The following PPP1R13B variants were observed in gnomAD, a reference collection of about 807,000 sequenced individuals.
PPP1R13B encodes apoptosis-stimulating of p53 protein 1.
PPP1R13B carries 44 observed loss-of-function variants against 119.8 expected under a neutral mutation model. The observed-to-expected ratio is 0.37, with a 90% CI of 0.29 to 0.47. The LOEUF is 0.47. PPP1R13B is among the 20% of genes least tolerant of loss of function. The pLI is 0.99. For synonymous variants in PPP1R13B, 542 were observed against 561.5 expected (o/e 0.97, Z 0.49); for missense variants, 1,227 against 1,413.5 (o/e 0.87, Z 2.12).
At chr14:103,757,526 A>G (rs2084706485) in intron 5 of PPP1R13B, 124 bp downstream of exon 5, 7 of 782,540 alleles carry the variant, frequency 8.9e-6, no homozygotes, top group Non-Finnish European at 1.2e-5. Flanking sequence ...GACTGCATTT[A>G]GCACTCCTAT....
chr14:103,766,611 TTTTG>T (rs1390664668), intron 4 of PPP1R13B, among the ~76,000 whole-genome samples: 3 of 152,168 alleles, frequency 2.0e-5, no homozygotes, highest in Non-Finnish European at 4.4e-5. Flanking sequence ...AATACTGCTT[TTTTG>T]TTTGTTTTTT....
At chr14:103,793,488 G>C (rs924558609) in intron 2 of PPP1R13B, among the ~76,000 whole-genome samples, 2 of 152,142 alleles carry the variant, frequency 1.3e-5, no homozygotes, top group Admixed American at 6.5e-5. Context: ...TGTCATGATT[G>C]TAAGTTTCCT....
At position 103,746,437 on chromosome 14, in the gene PPP1R13B, C is replaced by T; in HGVS notation, c.1086G>A (p.Gly362=). ...TGAGAGACTGGGGCTTTATAGGGTCCCCCAGCACAGGAAAGCTTCCGGCAC... is the reference window on the plus strand; with the variant it reads ...TGAGAGACTGGGGCTTTATAGGGTCTCCCAGCACAGGAAAGCTTCCGGCAC... ...VPSAGSFPVL[G]DPIKPQSLSI... The change falls in exon 9 of 17, where the codon GGG becomes GGA. Residue 362 remains glycine, a synonymous_variant. Coordinates refer to ENST00000202556, the MANE Select transcript of PPP1R13B (RefSeq NM_015316.3). The T allele has an allele frequency of 1.2e-6, 2 of 1,614,074 alleles. No homozygotes were observed. Among genetic ancestry groups the T allele is most frequent in the Non-Finnish European group, 8.5e-7 (1 of 1,179,984 alleles).
chr14:103,756,188 G>A (rs1266368305), intron 5 of PPP1R13B, among the ~76,000 whole-genome samples: 1 of 151,962 alleles, frequency 6.6e-6, no homozygotes, highest in African/African-American at 2.4e-5. Flanking sequence ...TCCACCGCCG[G>A]CTTCAAGAGA....
chr14:103,816,897 C>T (rs1489690852), intron 1 of PPP1R13B, among the ~76,000 whole-genome samples: 1 of 152,082 alleles, frequency 6.6e-6, no homozygotes, highest in African/African-American at 2.4e-5. Context: ...TACTATTCAT[C>T]TGATGAATAC....
In PPP1R13B at chr14:103,738,894, T is replaced by C. The variant is rs1433156005; in HGVS notation, c.2722A>G (p.Ile908Val). 3 of 1,613,714 alleles carry C rather than the reference T, an allele frequency of 1.9e-6. No homozygotes were observed. Among genetic ancestry groups the C allele is most frequent in the Non-Finnish European group, 2.5e-6 (3 of 1,179,838 alleles). ...EGEFDLVQRI[I>V]YEVEDPSKPN... ...CCCCGGCTGCAGCTCACCTCATAGA[T>C]GATCCTCTGCACCAGATCGAACTCT... Residue 908 changes from isoleucine to valine, a missense_variant, in exon 13 of 17, where the codon ATC (isoleucine) becomes GTC (valine). By Grantham distance (29) the Ile-to-Val change is conservative. Coordinates refer to ENST00000202556, the MANE Select transcript of PPP1R13B (RefSeq NM_015316.3). The surrounding 1 kb of genome is among the most constrained non-coding windows in gnomAD (Gnocchi z 5.6).
intron 1 of PPP1R13B, among the ~76,000 whole-genome samples, chr14:103,818,755 T>C (rs1376364900): frequency 4.6e-5 from 7 of 152,220 alleles, no homozygotes; most frequent in African/African-American, 1.7e-4. Flanking sequence ...ATTGAGCACC[T>C]ACTACCTGCC....
At chr14:103,765,725 G>C (rs1409607634) in intron 4 of PPP1R13B, among the ~76,000 whole-genome samples, 2 of 152,080 alleles carry the variant, frequency 1.3e-5, no homozygotes, top group African/African-American at 4.8e-5. Flanking sequence ...TTAAGACCTA[G>C]GAGGCAATGC....
chr14:103,839,190 T>C (rs2152085519), intron 1 of PPP1R13B, among the ~76,000 whole-genome samples: 1 of 152,184 alleles, frequency 6.6e-6, no homozygotes, highest in East Asian at 2.0e-4. Flanking sequence ...TTTTTTGTAT[T>C]TTTAGTAGAG....
rs371827261 is a variant in PPP1R13B at position 103,738,858 on chromosome 14, C to T, written c.2730+28G>A. ...GCGCCCATCCCCTCGCCCCCAGCAG[C>T]GTGCACTGGTCCCCGGCTGCAGCTC... is the stretch of plus-strand genomic sequence containing the variant. On this transcript the variant is annotated intron_variant, in intron 13 of 16. Transcript: ENST00000202556. This position sits in a 1 kb window ranked among gnomAD's most constrained non-coding sequence, Gnocchi z 5.6. The T allele has an allele frequency of 1.9e-5, 31 of 1,613,138 alleles. No homozygotes were observed. Among genetic ancestry groups the T allele is most frequent in the Middle Eastern group, 3.3e-4 (2 of 6,060 alleles).
intron 3 of PPP1R13B, among the ~76,000 whole-genome samples, chr14:103,779,678 C>T (rs373162635): frequency 6.6e-6 from 1 of 151,760 alleles, no homozygotes; most frequent in South Asian, 2.1e-4. Context: ...GTAGTCCCAG[C>T]CACTCACGAG....
At chr14:103,789,860 T>A (rs1369364182) in intron 2 of PPP1R13B, among the ~76,000 whole-genome samples, 1 of 152,180 alleles carries the variant, frequency 6.6e-6, no homozygotes, top group Non-Finnish European at 1.5e-5. Flanking sequence ...CTTTATATTG[T>A]ATTAGTGTTT....
At chr14:103,848,039 C>G (rs2087113381), upstream of PPP1R13B, among the ~76,000 whole-genome samples, 2 of 151,810 alleles carry the variant, frequency 1.3e-5, no homozygotes, top group Non-Finnish European at 2.9e-5. Context: ...GGGGCTGCGG[C>G]CCAGAGGCCA....
rs764785623 is a variant in PPP1R13B, at chr14:103,797,516, C to G, written c.12G>C (p.Met4Ile). The change falls in exon 2 of 17, where the codon ATG (methionine) becomes ATC (isoleucine). Residue 4 changes from methionine to isoleucine, a missense_variant and splice_region_variant. By Grantham distance (10) the Met-to-Ile change is conservative. Coordinates refer to ENST00000202556, the MANE Select transcript of PPP1R13B (RefSeq NM_015316.3). MMPMILTVFLSNNE... is the reference protein window; with the variant it reads MMPIILTVFLSNNE... ...TGTTGCTCAAGAAAACAGTTAATAT[C>G]ATCTGTAAGACAAAAGAGTAAAGCT... 2 of 1,610,048 alleles carry G rather than the reference C, an allele frequency of 1.2e-6. No homozygotes were observed. Among genetic ancestry groups the G allele is most frequent in the Non-Finnish European group, 1.7e-6 (2 of 1,177,080 alleles).
At chr14:103,819,945 C>T (rs187782089) in intron 1 of PPP1R13B, among the ~76,000 whole-genome samples, 47 of 152,346 alleles carry the variant, frequency 3.1e-4, no homozygotes, top group Non-Finnish European at 8.8e-5. Context: ...CCCAGACCCA[C>T]AGTTACTTGT....
At chr14:103,743,528 C>T (rs1225828915) in intron 9 of PPP1R13B, among the ~76,000 whole-genome samples, 1 of 152,116 alleles carries the variant, frequency 6.6e-6, no homozygotes, top group East Asian at 1.9e-4. Flanking sequence ...TCACAGTGGC[C>T]GAAAGTCCAT....
At chr14:103,800,625 A>G (rs1337522464) in intron 1 of PPP1R13B, among the ~76,000 whole-genome samples, 1 of 152,124 alleles carries the variant, frequency 6.6e-6, no homozygotes, top group Non-Finnish European at 1.5e-5. Flanking sequence ...ATTTCACTCC[A>G]GCCTGGGCAA....
At chr14:103,844,905 G>A (rs2086993349) in intron 1 of PPP1R13B, among the ~76,000 whole-genome samples, 1 of 152,128 alleles carries the variant, frequency 6.6e-6, no homozygotes, top group Non-Finnish European at 1.5e-5. Flanking sequence ...AATGCAAACT[G>A]TCACCGGATT....
intron 9 of PPP1R13B, among the ~76,000 whole-genome samples, chr14:103,745,384 G>A (rs899907622): frequency 1.3e-5 from 2 of 152,244 alleles, no homozygotes; most frequent in African/African-American, 4.8e-5. Context: ...TAACAGTACT[G>A]TTTTCATAAA....
Sources: allele counts gnomAD v4.1 joint callset (sites outside exome capture counted in the v4.1 genomes callset), GRCh38; gene constraint gnomAD v4.1.1; non-coding constraint Gnocchi (gnomAD v3.1); transcripts MANE v1.5; gene names NCBI Gene and HGNC (gene_info 2026-07-23, HGNC 2026-07-21).